Variants in SCN9A observed in about 807,000 individuals in gnomAD.
The protein encoded by SCN9A is sodium voltage-gated channel alpha subunit 9, also known as sodium channel protein type 9 subunit alpha.
In SCN9A, 131 loss-of-function variants were observed where a neutral mutation model predicts 187.0. The ratio of observed to expected loss-of-function variants is 0.70; its 90% CI spans 0.61 to 0.81. The LOEUF is 0.81. SCN9A is among the 30% of genes least tolerant of loss of function. The probability of loss-of-function intolerance (pLI) is 0.00; values close to 1 mark genes in which losing one functional copy is unlikely to be tolerated. For missense variants in SCN9A, 2,252 were observed against 2,396.6 expected, an observed-to-expected ratio of 0.94 and a Z score of 1.26; for synonymous variants, 809 against 808.6, an observed-to-expected ratio of 1.00 and a Z score of -0.01.
chr2:166,373,037 G>C (rs1700600420), intron 1 of SCN9A, among the ~76,000 whole-genome samples: 1 of 152,128 alleles, frequency 6.6e-6, no homozygotes. Context: ...AAAAAACCTC[G>C]AGTTGAGATT....
chr2:166,314,837 A>G (rs1039930483), intron 1 of SCN9A, among the ~76,000 whole-genome samples: 11 of 152,214 alleles, frequency 7.2e-5, no homozygotes, highest in African/African-American at 2.7e-4. Context: ...GTTAATGGTT[A>G]AAGAGTATGG....
At chr2:166,210,927 G>C (rs1694061853) in intron 24 of SCN9A, among the ~76,000 whole-genome samples, 1 of 152,024 alleles carries the variant, frequency 6.6e-6, no homozygotes, top group Non-Finnish European at 1.5e-5. Context: ...TGGGTGTGGT[G>C]GTGGGTGCCT....
chr2:166,204,403 T>G lies in SCN9A; in HGVS notation c.4460A>C (p.Lys1487Thr), dbSNP rs757319365. 6.2e-7 allele frequency: 1 copy of G among 1,609,688 alleles called. No individual in the cohort carries two copies. The highest frequency in any genetic ancestry group is 8.5e-7 in the Non-Finnish European group (1 of 1,178,062). The stretch of plus-strand genomic sequence containing the variant: ...CTTTTGTGGCTTCTTGGACCCCAGC[T>G]TTTTCATTGCATTATAGTATTTCTT... ...EQKKYYNAMK[K>T]LGSKKPQKPI... is the part of the protein sequence containing the mutation. Residue 1487 changes from lysine (K) to threonine (T), a missense_variant, in exon 25 of 27, where the codon AAG (lysine) becomes ACG (threonine). By Grantham distance (78) the Lys-to-Thr change is moderately conservative. This residue lies in a region of SCN9A where 368 missense variants were observed against 408.6 expected (regional missense o/e 0.90). Transcript: ENST00000642356.
chr2:166,304,448 G>T, intron 5 of SCN9A, 119 bp from the exon 6 acceptor site: 2 of 814,482 alleles, frequency 2.5e-6, no homozygotes, highest in Non-Finnish European at 3.8e-6. Flanking sequence ...AGTTCTGCAA[G>T]TCTTTTTTGC....
intron 1 of SCN9A, among the ~76,000 whole-genome samples, chr2:166,324,198 CA>C (rs1440019468): frequency 1.3e-5 from 2 of 151,754 alleles, no homozygotes; most frequent in Non-Finnish European, 2.9e-5. Context: ...GAGGCTGAGG[CA>C]GGAGAATTAC....
chr2:166,256,062 C>T (rs1696260191), intron 17 of SCN9A, among the ~76,000 whole-genome samples: 1 of 151,166 alleles, frequency 6.6e-6, no homozygotes, highest in Non-Finnish European at 1.5e-5. Context: ...GCATAAGAGT[C>T]CAATATTTTC....
chr2:166,361,409 C>T (rs1396816836), intron 1 of SCN9A, among the ~76,000 whole-genome samples: 2 of 151,950 alleles, frequency 1.3e-5, no homozygotes, highest in Non-Finnish European at 2.9e-5. Flanking sequence ...ATAGCAAAAC[C>T]AAGACTACAT....
rs749551931 is a variant in SCN9A, at chr2:166,277,069, C to A, written c.2788G>T (p.Glu930Ter). Residue 930 changes from glutamate to a stop codon, truncating the protein, a stop_gained, in exon 16 of 27, where the codon GAG becomes TAG. Transcript: ENST00000642356. LOFTEE classifies it high-confidence loss of function. The stretch of plus-strand genomic sequence containing the variant: ...ACCTCCATACAGTCCCACATGGTCT[C>A]TATCCACTCTCCACACAGCACGCGG... ...VFRVLCGEWI[E>*]TMWDCMEVAG... 6.2e-6 allele frequency: 10 copies of A among 1,614,042 alleles called. No individual in the cohort carries two copies. Among genetic ancestry groups the A allele is most frequent in the Non-Finnish European group, 8.5e-6 (10 of 1,179,974 alleles).
At chr2:166,311,330 C>CATATATATATATA (rs1491160674) in intron 2 of SCN9A, among the ~76,000 whole-genome samples, 169 bp downstream of exon 2, 1 of 46,718 alleles carries the variant, frequency 2.1e-5, no homozygotes, top group African/African-American at 8.8e-5. Flanking sequence ...TCTGAATATC[C>CATATATATATATA]TATATATATA....
At chr2:166,206,870 C>T (rs1574711943) in intron 24 of SCN9A, among the ~76,000 whole-genome samples, 1 of 152,174 alleles carries the variant, frequency 6.6e-6, no homozygotes, top group African/African-American at 2.4e-5. Context: ...TGGATGTCAA[C>T]ATTATCCTTG....
chr2:166,250,081 C>T (rs1033338029), intron 18 of SCN9A, among the ~76,000 whole-genome samples: 1 of 152,088 alleles, frequency 6.6e-6, no homozygotes, highest in Non-Finnish European at 1.5e-5. Flanking sequence ...TACACCTTTG[C>T]TTCTTACATA....
At chr2:166,222,166 G>C (rs1011312968) in intron 24 of SCN9A, among the ~76,000 whole-genome samples, 1 of 152,230 alleles carries the variant, frequency 6.6e-6, no homozygotes, top group Admixed American at 6.5e-5. Context: ...ATTCAAGAGG[G>C]TGAAAAAGCA....
At chr2:166,348,969 A>C (rs1314441665) in intron 1 of SCN9A, among the ~76,000 whole-genome samples, 1 of 152,090 alleles carries the variant, frequency 6.6e-6, no homozygotes, top group Non-Finnish European at 1.5e-5. Context: ...CTACTAAAAA[A>C]AATACAAAAT....
Position 166,284,757 on chromosome 2 carries a change from A to G in SCN9A, c.1670T>C (p.Phe557Ser). Reference protein sequence around the residue: ...RRSSRTSLFSFKGRGRDIGSE... With the variant: ...RRSSRTSLFSSKGRGRDIGSE... Reference sequence around the variant, plus strand: ...TCCTATATCTCTTCCTCTGCCTTTGAAACTAAAAAGACTTGTTCTGCTGCT... The same window carrying G: ...TCCTATATCTCTTCCTCTGCCTTTGGAACTAAAAAGACTTGTTCTGCTGCT... Residue 557 changes from phenylalanine (F) to serine (S), a missense_variant, in exon 12 of 27, where the codon TTC becomes TCC. Around this residue, in one of 7 missense-constraint regions of SCN9A, gnomAD observed 1,013 missense variants for 997.4 expected, o/e 1.02. Transcript: ENST00000642356. 1 of 1,613,840 alleles carries G rather than the reference A, an allele frequency of 6.2e-7. No homozygotes were observed. Among genetic ancestry groups the G allele is most frequent in the Non-Finnish European group, 8.5e-7 (1 of 1,179,866 alleles).
At chr2:166,310,966 A>G (rs560811710) in intron 2 of SCN9A, among the ~76,000 whole-genome samples, 1 of 100,186 alleles carries the variant, frequency 1.0e-5, no homozygotes, top group African/African-American at 4.7e-5. Flanking sequence ...ATGCAATTGG[A>G]AATCATCATT....
At chr2:166,350,795 A>T (rs1700015770) in intron 1 of SCN9A, among the ~76,000 whole-genome samples, 1 of 152,222 alleles carries the variant, frequency 6.6e-6, no homozygotes, top group Admixed American at 6.5e-5. Context: ...GAACATTTTA[A>T]GTATATGTAT....
At chr2:166,372,989 CT>C (rs1700599509) in intron 1 of SCN9A, among the ~76,000 whole-genome samples, 1 of 152,120 alleles carries the variant, frequency 6.6e-6, no homozygotes, top group Non-Finnish European at 1.5e-5. Context: ...GGACAACCTA[CT>C]TTTAACAAGA....
chr2:166,303,063 T>G, intron 7 of SCN9A, 27 bp downstream of exon 7: 1 of 1,464,490 alleles, frequency 6.8e-7, no homozygotes, highest in Non-Finnish European at 9.4e-7. Context: ...TATTTCAACC[T>G]AATAACAAAT....
chr2:166,221,325 C>A (rs114376537), intron 24 of SCN9A, among the ~76,000 whole-genome samples: 3,151 of 152,226 alleles, frequency 0.021, 120 homozygotes, highest in African/African-American at 0.073. Context: ...TCATATGGAA[C>A]CACAAAAGAC....
Sources: allele counts gnomAD v4.1 joint callset (sites outside exome capture counted in the v4.1 genomes callset), GRCh38; gene constraint gnomAD v4.1.1; regional missense constraint gnomAD v4.1.1; transcripts MANE v1.5; gene names NCBI Gene and HGNC (gene_info 2026-07-23, HGNC 2026-07-21).